Variants in ABCC4 observed in about 807,000 individuals in gnomAD.
ABCC4 encodes ATP binding cassette subfamily C member 4 (PEL blood group), also known as ATP-binding cassette sub-family C member 4.
ABCC4 carries 102 observed loss-of-function variants against 168.5 expected under a neutral mutation model. The observed-to-expected ratio is 0.61, with a 90% confidence interval of 0.52 to 0.71. The LOEUF (loss-of-function observed/expected upper bound fraction) is 0.71, where lower values mean the gene tolerates loss of function less well. ABCC4 is among the 30% of genes least tolerant of loss of function. The pLI, the probability that ABCC4 is intolerant of heterozygous loss-of-function variation, is 0.00. For synonymous variants in ABCC4, 617 were observed against 590.7 expected, an observed-to-expected ratio of 1.04 and a Z score of -0.65; for missense variants, 1,402 against 1,605.8, an observed-to-expected ratio of 0.87 and a Z score of 2.17.
In ABCC4 at chr13:95,186,724, T is replaced by C. The variant is rs1359739625; in HGVS notation, c.1522A>G (p.Ile508Val). 1.2e-6 allele frequency: 2 copies of C among 1,613,962 alleles called. No individual in the cohort carries two copies. The highest frequency in any genetic ancestry group is 1.3e-5 in the African/African-American group (1 of 74,928). The change falls in exon 11 of 31, where the codon ATA becomes GTA. Residue 508 changes from isoleucine (I) to valine (V), a missense_variant. Around this residue, in one of 3 missense-constraint regions of ABCC4, gnomAD observed 1,007 missense variants for 1,127.3 expected, o/e 0.89. Transcript: ENST00000645237. ...KYEKERYEKV[I>V]KACALKKDLQ... ...ACCTTTTTCAGAGCACAAGCCTTTA[T>C]GACTTTTTCATATCGTTCCTTTTCG...
At chr13:95,060,850 G>A (rs1256757139) in intron 26 of ABCC4, among the ~76,000 whole-genome samples, 1 of 152,072 alleles carries the variant, frequency 6.6e-6, no homozygotes, top group South Asian at 2.1e-4. Context: ...TTCACAAGAC[G>A]CTTTTCATCT....
rs1555337125 is a variant in ABCC4, at chr13:95,249,229, A to AAG, written c.75-1477_75-1476insCT. On this transcript the variant is annotated intron_variant, in intron 1 of 30. Coordinates refer to ENST00000645237, the MANE Select transcript of ABCC4 (RefSeq NM_005845.5). ...GCAAGGCTTTGTCTAAAAAAAAAAA[A>AAG]AAGAAGAAGAAACATATTTGTGCCC... 4.3e-3 allele frequency among the ~76,000 whole-genome samples: 632 copies of AAG among 148,400 alleles called. 2 individuals are homozygous for AAG. The highest frequency in any genetic ancestry group is 0.018 in the South Asian group (87 of 4,714).
At chr13:95,089,429 C>T (rs896674166) in intron 20 of ABCC4, among the ~76,000 whole-genome samples, 2 of 152,108 alleles carry the variant, frequency 1.3e-5, no homozygotes, top group South Asian at 2.1e-4. Flanking sequence ...ACCAGCCTGG[C>T]CAACATGGTG....
chr13:95,109,037 G>A (rs1432048669), intron 20 of ABCC4, among the ~76,000 whole-genome samples: 2 of 152,144 alleles, frequency 1.3e-5, no homozygotes, highest in Non-Finnish European at 2.9e-5. Context: ...TTATTGGTCT[G>A]TTTATTGTCG....
chr13:95,184,866 A>G (rs540410890), intron 11 of ABCC4, among the ~76,000 whole-genome samples: 6 of 152,252 alleles, frequency 3.9e-5, no homozygotes, highest in African/African-American at 1.4e-4. Context: ...GTGGGGGAAA[A>G]CTAGCAAAAT....
chr13:95,044,140 ATCCATGTT>A (rs1399494945), intron 28 of ABCC4, 118 bp downstream of exon 28: 1 of 992,590 alleles, frequency 1.0e-6, no homozygotes. Flanking sequence ...GAATGAATTT[ATCCATGTT>A]AAAATGTTAT....
At chr13:95,253,573 C>T (rs540878982) in intron 1 of ABCC4, among the ~76,000 whole-genome samples, 1 of 151,982 alleles carries the variant, frequency 6.6e-6, no homozygotes, top group East Asian at 1.9e-4. Flanking sequence ...GATGAAACCC[C>T]GCCTCTACTA....
rs528398346 is a variant in ABCC4, at chr13:95,046,767, A to T, written c.3457-2329T>A. On this transcript the variant is annotated intron_variant, in intron 27 of 30. Transcript: ENST00000645237. ...GACAGAGTAAGACTCTGTCTCAATT[A>T]AAAAAAAAAGATATGAATGTGAAGG... 2.5e-4 allele frequency among the ~76,000 whole-genome samples: 36 copies of T among 144,632 alleles called. No homozygotes were observed. The South Asian group carries it at 4.7e-3, about 19-fold the overall frequency. 94.9% of individuals were successfully genotyped at this position (144,632 alleles called of 152,430 possible). A position where few individuals can be genotyped will look rare whatever the true frequency, so the allele number is the denominator to read the frequency against.
chr13:95,227,944 A>C (rs1056211275), intron 4 of ABCC4, among the ~76,000 whole-genome samples: 6 of 152,146 alleles, frequency 3.9e-5, no homozygotes, highest in Non-Finnish European at 7.3e-5. Context: ...TCCTGGCCTC[A>C]AGTGATCCAC....
chr13:95,227,436 G>GT (rs756111225), intron 4 of ABCC4, among the ~76,000 whole-genome samples: 6 of 152,130 alleles, frequency 3.9e-5, no homozygotes, highest in Non-Finnish European at 5.9e-5. Flanking sequence ...AAATTTTAAC[G>GT]TATTATGGAC....
At chr13:95,216,663 C>T (rs1161221405) in intron 4 of ABCC4, among the ~76,000 whole-genome samples, 3 of 143,408 alleles carry the variant, frequency 2.1e-5, no homozygotes, top group Non-Finnish European at 4.5e-5. Context: ...AATGCAAATG[C>T]TGAAATCCAC....
intron 25 of ABCC4, among the ~76,000 whole-genome samples, chr13:95,068,885 C>T (rs2033635456): frequency 6.6e-6 from 1 of 152,214 alleles, no homozygotes; most frequent in African/African-American, 2.4e-5. Context: ...AGTAAGCAAA[C>T]ATCCCCCTGG....
chr13:95,116,749 G>C (rs911801189), intron 19 of ABCC4, among the ~76,000 whole-genome samples: 1 of 152,194 alleles, frequency 6.6e-6, no homozygotes, highest in East Asian at 1.9e-4. Flanking sequence ...GATCAAACCT[G>C]GTTTCTAATA....
chr13:95,200,185 G>A (rs749669757), intron 8 of ABCC4, among the ~76,000 whole-genome samples: 28 of 152,318 alleles, frequency 1.8e-4, no homozygotes, highest in South Asian at 2.1e-4. Flanking sequence ...TAAGCTAGGT[G>A]CTCAATTACA....
intron 19 of ABCC4, among the ~76,000 whole-genome samples, chr13:95,149,908 G>A (rs540904938): frequency 6.6e-6 from 1 of 152,188 alleles, no homozygotes; most frequent in African/African-American, 2.4e-5. Flanking sequence ...GAAGTTCAGA[G>A]AGAAGTCTGA....
intron 26 of ABCC4, among the ~76,000 whole-genome samples, chr13:95,062,072 G>A (rs1206271773): frequency 6.6e-6 from 1 of 152,148 alleles, no homozygotes; most frequent in Admixed American, 6.5e-5. Flanking sequence ...CACTGGGTCT[G>A]TGTGAAATAC....
intron 30 of ABCC4, among the ~76,000 whole-genome samples, chr13:95,032,061 G>A (rs2031901451): frequency 6.6e-6 from 1 of 152,138 alleles, no homozygotes; most frequent in Non-Finnish European, 1.5e-5. Flanking sequence ...GGGAAGCTTT[G>A]GCTGGGAGAC....
At chr13:95,035,874 T>C (rs2032099829) in intron 29 of ABCC4, among the ~76,000 whole-genome samples, 1 of 152,180 alleles carries the variant, frequency 6.6e-6, no homozygotes, top group Non-Finnish European at 1.5e-5. Context: ...AGGACACAGG[T>C]TGTTTTTCTA....
At chr13:95,272,384 T>C (rs555774490) in intron 1 of ABCC4, among the ~76,000 whole-genome samples, 2 of 144,322 alleles carry the variant, frequency 1.4e-5, no homozygotes, top group African/African-American at 5.9e-5. Flanking sequence ...GTTTACAACA[T>C]TCTCTAAGCA....
Sources: allele counts gnomAD v4.1 joint callset (sites outside exome capture counted in the v4.1 genomes callset), GRCh38; gene constraint gnomAD v4.1.1; regional missense constraint gnomAD v4.1.1; transcripts MANE v1.5; gene names NCBI Gene and HGNC (gene_info 2026-07-23, HGNC 2026-07-21).